The following BRWD3 variants were observed in gnomAD, a reference collection of about 807,000 sequenced individuals.
The protein encoded by BRWD3 is bromodomain and WD repeat domain containing 3.
A neutral mutation model predicts 149.7 loss-of-function variants in BRWD3; 10 were observed. The observed-to-expected ratio is 0.07, with a 90% CI of 0.04 to 0.11. BRWD3 has a LOEUF of 0.11. Ranked by LOEUF, BRWD3 falls within the 10% of genes least tolerant of loss-of-function variation. The probability of loss-of-function intolerance (pLI) is 1.00; values close to 1 mark genes in which losing one functional copy is unlikely to be tolerated. For missense variants in BRWD3, 940 were observed against 1,373.2 expected (o/e 0.68, Z 4.99); for synonymous variants, 504 against 456.7 (o/e 1.10, Z -1.32).
chrX:80,754,478 C>A (rs1741739918), intron 6 of BRWD3, among the ~76,000 whole-genome samples: 1 of 111,556 alleles, frequency 9.0e-6, no homozygotes, highest in Admixed American at 9.5e-5. Flanking sequence ...TTCCTCTTTT[C>A]CAATTTGGAT....
chrX:80,808,722 CG>C, intron 3 of BRWD3, 124 bp from the exon 4 acceptor site: 3 of 521,672 alleles, frequency 5.8e-6, no homozygotes, highest in Non-Finnish European at 9.3e-6. Context: ...TTATTTCTCT[CG>C]GCCTGATAGC....
intron 27 of BRWD3, among the ~76,000 whole-genome samples, chrX:80,694,988 T>G (rs2072663529): frequency 9.0e-6 from 1 of 111,078 alleles, no homozygotes. Flanking sequence ...GTCCCCACCA[T>G]AATCTCATCT....
intron 6 of BRWD3, among the ~76,000 whole-genome samples, chrX:80,770,664 T>A (rs1035488991): frequency 2.0e-4 from 22 of 111,911 alleles, no homozygotes; most frequent in African/African-American, 6.8e-4. Flanking sequence ...GGGCAAAAAC[T>A]GGAGGCACTC....
At chrX:80,717,540 A>T in intron 19 of BRWD3, 33 bp downstream of exon 19, 2 of 1,176,443 alleles carry the variant, frequency 1.7e-6, no homozygotes, top group Non-Finnish European at 2.3e-6. Flanking sequence ...TAAAGCTTTA[A>T]ATTTTTTTCT....
chrX:80,809,112 A>G, intron 2 of BRWD3, 70 bp from the exon 3 acceptor site: 5 of 1,154,909 alleles, frequency 4.3e-6, no homozygotes, highest in Admixed American at 2.6e-5. Flanking sequence ...TCCACACTTA[A>G]AGCCCAGCCG....
intron 6 of BRWD3, among the ~76,000 whole-genome samples, chrX:80,752,755 C>T (rs1174177503): frequency 2.7e-5 from 3 of 111,116 alleles, no homozygotes; most frequent in African/African-American, 9.8e-5. Flanking sequence ...CTGCAACCTC[C>T]ACCTCCCAGG....
chrX:80,750,358 T>C (rs1233205938), intron 6 of BRWD3, among the ~76,000 whole-genome samples: 1 of 108,916 alleles, frequency 9.2e-6, no homozygotes, highest in Non-Finnish European at 1.9e-5. Flanking sequence ...GGGGTTAATA[T>C]CTAAAATATA....
chrX:80,786,176 T>A (rs2147847204), intron 6 of BRWD3, among the ~76,000 whole-genome samples: 1 of 112,392 alleles, frequency 8.9e-6, no homozygotes, highest in African/African-American at 3.2e-5. Context: ...GGTTGCTGAA[T>A]GTCAAATTAC....
At chrX:80,802,216 G>A (rs1408450090) in intron 4 of BRWD3, among the ~76,000 whole-genome samples, 1 of 110,291 alleles carries the variant, frequency 9.1e-6, no homozygotes, top group African/African-American at 3.3e-5. Context: ...TGAGGTGGGC[G>A]GATCACTGGA....
At chrX:80,677,431 A>C in intron 40 of BRWD3, 68 bp from the exon 41 acceptor site, 2 of 1,142,825 alleles carry the variant, frequency 1.8e-6, no homozygotes, top group Non-Finnish European at 2.3e-6. Flanking sequence ...TTAGGTTCAA[A>C]AACAGTCTAC....
intron 6 of BRWD3, among the ~76,000 whole-genome samples, chrX:80,761,650 C>G (rs977305221): frequency 5.4e-5 from 6 of 111,663 alleles, no homozygotes; most frequent in African/African-American, 1.6e-4. Flanking sequence ...AAGCAGTTAT[C>G]ATTTTATACT....
At chrX:80,714,004 A>G (rs2073036624) in intron 20 of BRWD3, among the ~76,000 whole-genome samples, 1 of 111,288 alleles carries the variant, frequency 9.0e-6, no homozygotes, top group Admixed American at 9.6e-5. Context: ...TTAAACCCAA[A>G]TGTTTCTTTG....
intron 17 of BRWD3, among the ~76,000 whole-genome samples, chrX:80,720,659 T>A (rs1455912258): frequency 8.9e-6 from 1 of 111,844 alleles, no homozygotes; most frequent in Non-Finnish European, 1.9e-5. Flanking sequence ...ACATTTAGTG[T>A]AGCCTAAGTG....
chrX:80,770,036 C>T (rs190473048), intron 6 of BRWD3, among the ~76,000 whole-genome samples: 4 of 111,328 alleles, frequency 3.6e-5, no homozygotes, highest in Non-Finnish European at 5.7e-5. Context: ...ATACACCCTC[C>T]CAAGACTAAA....
chrX:80,694,292 T>C (rs2072650469), intron 27 of BRWD3, among the ~76,000 whole-genome samples: 1 of 111,902 alleles, frequency 8.9e-6, no homozygotes, highest in Non-Finnish European at 1.9e-5. Context: ...TGGAAATGCC[T>C]GGATATCCAG....
chrX:80,752,611 A>G (rs1321944457), intron 6 of BRWD3, among the ~76,000 whole-genome samples: 1 of 111,966 alleles, frequency 8.9e-6, no homozygotes, highest in Non-Finnish European at 1.9e-5. Flanking sequence ...CAGAGGTAAG[A>G]TATTTCATTG....
intron 6 of BRWD3, among the ~76,000 whole-genome samples, chrX:80,768,398 A>G (rs911047978): frequency 8.9e-6 from 1 of 111,998 alleles, no homozygotes; most frequent in African/African-American, 3.2e-5. Context: ...AAAACTCTAC[A>G]AGCCAGAAGA....
At chrX:80,727,497 G>A (rs911744596) in intron 14 of BRWD3, among the ~76,000 whole-genome samples, 7 of 110,633 alleles carry the variant, frequency 6.3e-5, no homozygotes, top group African/African-American at 1.3e-4. Context: ...TGCACATGCC[G>A]TTCCCTCTTT....
chrX:80,744,229 T>G lies in BRWD3; in HGVS notation c.616A>C (p.Ile206Leu). 5.0e-6 allele frequency: 6 copies of G among 1,209,405 alleles called. No individual in the cohort carries two copies. Among genetic ancestry groups the G allele is most frequent in the Non-Finnish European group, 6.7e-6 (6 of 893,223 alleles). The stretch of plus-strand genomic sequence containing the variant: ...AGGCGTCCATCATCTGTAGCCCAAA[T>G]TTTTACTAAACAGTCATCTGAACCC... ...FTGSDDCLVK[I>L]WATDDGRLLA... Residue 206 changes from isoleucine to leucine, a missense_variant, in exon 8 of 41, where the codon ATT becomes CTT. Ile to Leu is a conservative substitution (Grantham distance 5). Coordinates refer to ENST00000373275, the MANE Select transcript of BRWD3 (RefSeq NM_153252.5).
Sources: gnomAD v4.1 joint callset for allele counts (sites outside exome capture counted in the v4.1 genomes callset) on GRCh38, gnomAD v4.1.1 for gene constraint, MANE v1.5 for transcripts, NCBI Gene and HGNC (gene_info 2026-07-23, HGNC 2026-07-21) for gene names.